The following CLSTN2 variants were observed in gnomAD, a reference collection of about 807,000 sequenced individuals.
The protein encoded by CLSTN2 is calsyntenin 2.
CLSTN2 carries 48 observed loss-of-function variants against 101.2 expected under a neutral mutation model. That is an observed-to-expected ratio of 0.47 (90% CI 0.38 to 0.60). The LOEUF (loss-of-function observed/expected upper bound fraction) is 0.60, where lower values mean the gene tolerates loss of function less well. CLSTN2 is among the 20% of genes least tolerant of loss of function. CLSTN2 has a pLI of 0.00. For synonymous variants in CLSTN2, 481 were observed against 463.6 expected, an observed-to-expected ratio of 1.04 and a Z score of -0.48; for missense variants, 1,160 against 1,238.2, an observed-to-expected ratio of 0.94 and a Z score of 0.95.
chr3:140,136,162 C>T (rs1014143269), intron 1 of CLSTN2, among the ~76,000 whole-genome samples: 1 of 152,124 alleles, frequency 6.6e-6, no homozygotes, highest in African/African-American at 2.4e-5. Context: ...ATATCTATCA[C>T]CCTTGGTCAT....
At chr3:140,538,027 C>T (rs944139337) in intron 9 of CLSTN2, among the ~76,000 whole-genome samples, 38 of 152,294 alleles carry the variant, frequency 2.5e-4, no homozygotes, top group African/African-American at 7.2e-4. Flanking sequence ...TTGTGTTAGC[C>T]GTTAATGAAA....
At chr3:140,341,746 G>T (rs969219903) in intron 2 of CLSTN2, among the ~76,000 whole-genome samples, 2 of 152,166 alleles carry the variant, frequency 1.3e-5, no homozygotes, top group Non-Finnish European at 2.9e-5. Context: ...GTTAGTCTGC[G>T]ATACATTGAA....
At chr3:140,125,828 A>G (rs4683806) in intron 1 of CLSTN2, among the ~76,000 whole-genome samples, 69,338 of 151,946 alleles carry the variant, frequency 0.46, 16,881 homozygotes, top group Admixed American at 0.57. Flanking sequence ...GAGAAAGAGC[A>G]CAATCCAAGG....
chr3:140,084,373 G>A (rs933777008), intron 1 of CLSTN2, among the ~76,000 whole-genome samples: 3 of 152,182 alleles, frequency 2.0e-5, no homozygotes, highest in Non-Finnish European at 4.4e-5. Context: ...GGAACATGAG[G>A]TCCTTATTCA....
chr3:139,940,742 CT>C (rs1935112662), intron 1 of CLSTN2, among the ~76,000 whole-genome samples: 1 of 152,242 alleles, frequency 6.6e-6, no homozygotes, highest in African/African-American at 2.4e-5. Flanking sequence ...AAAAGACATG[CT>C]TTTTTTCACT....
chr3:140,278,800 G>A (rs1482548523), intron 2 of CLSTN2, among the ~76,000 whole-genome samples: 3 of 152,040 alleles, frequency 2.0e-5, no homozygotes, highest in African/African-American at 7.2e-5. Context: ...GCTCACTGCA[G>A]CCTCTACCTC....
At chr3:140,330,647 G>C (rs2087374378) in intron 2 of CLSTN2, among the ~76,000 whole-genome samples, 1 of 152,130 alleles carries the variant, frequency 6.6e-6, no homozygotes, top group South Asian at 2.1e-4. Flanking sequence ...CCCACACCAA[G>C]ATAAAGGTTC....
intron 2 of CLSTN2, among the ~76,000 whole-genome samples, chr3:140,322,570 G>C (rs954252708): frequency 2.0e-5 from 3 of 152,214 alleles, no homozygotes; most frequent in African/African-American, 7.2e-5. Context: ...AATGTACTGA[G>C]TCTTTTAGAA....
chr3:140,343,500 C>T (rs1179795124), intron 2 of CLSTN2, among the ~76,000 whole-genome samples: 1 of 152,162 alleles, frequency 6.6e-6, no homozygotes, highest in Non-Finnish European at 1.5e-5. Flanking sequence ...AAAAGACCAT[C>T]TTAAAGAGTC....
chr3:140,497,003 AG>A (rs1310392417), intron 8 of CLSTN2, among the ~76,000 whole-genome samples: 1 of 151,548 alleles, frequency 6.6e-6, no homozygotes, highest in Non-Finnish European at 1.5e-5. Context: ...CGGGAGGCTG[AG>A]GCAGCAGAAT....
chr3:140,154,797 A>G (rs2009925107), intron 1 of CLSTN2, among the ~76,000 whole-genome samples: 2 of 151,912 alleles, frequency 1.3e-5, no homozygotes, highest in South Asian at 2.1e-4. Context: ...GGCACCCGCC[A>G]CCACGCCCAG....
intron 8 of CLSTN2, among the ~76,000 whole-genome samples, chr3:140,515,968 T>C (rs528368744): frequency 7.4e-5 from 11 of 147,962 alleles, no homozygotes; most frequent in African/African-American, 2.8e-4. Context: ...TATTGCTGTC[T>C]ATCTCATTTC....
At chr3:139,990,525 C>T (rs942237507) in intron 1 of CLSTN2, among the ~76,000 whole-genome samples, 1 of 152,154 alleles carries the variant, frequency 6.6e-6, no homozygotes, top group African/African-American at 2.4e-5. Flanking sequence ...ATGTAATAAC[C>T]CTGCCAGATC....
intron 8 of CLSTN2, among the ~76,000 whole-genome samples, chr3:140,488,416 G>A (rs935903204): frequency 4.6e-5 from 7 of 152,040 alleles, no homozygotes; most frequent in Admixed American, 2.6e-4. Context: ...TGTAAAATGA[G>A]GATAAATATG....
chr3:140,513,583 C>CTTTTTTTTTTTTTTTTTTTTTTT (rs55778787), intron 8 of CLSTN2, among the ~76,000 whole-genome samples: 1 of 117,768 alleles, frequency 8.5e-6, no homozygotes, highest in Admixed American at 9.3e-5. Flanking sequence ...TTTTTTCTTT[C>CTTTTTTTTTTTTTTTTTTTTTTT]TTTTTTTTTT....
chr3:140,039,699 C>T (rs1307255995), intron 1 of CLSTN2, among the ~76,000 whole-genome samples: 2 of 152,154 alleles, frequency 1.3e-5, no homozygotes, highest in Non-Finnish European at 2.9e-5. Context: ...GAAAACAACT[C>T]GAAGGCTAGG....
intron 6 of CLSTN2, chr3:140,449,775 T>TGG (rs1933196346): frequency 6.6e-6 from 1 of 152,230 alleles, no homozygotes. Flanking sequence ...ATCACAGGCA[T>TGG]TCTGTTTGTT....
At chr3:140,291,788 C>T (rs577988894) in intron 2 of CLSTN2, among the ~76,000 whole-genome samples, 20 of 152,020 alleles carry the variant, frequency 1.3e-4, no homozygotes, top group African/African-American at 4.8e-4. Context: ...CTCAGTCATC[C>T]GTGTCTGAAA....
rs180720874 is a variant in CLSTN2 at position 140,115,223 on chromosome 3, C to T, written c.110-60728C>T. 5.4e-3 allele frequency among the ~76,000 whole-genome samples: 824 copies of T among 152,340 alleles called. 4 individuals are homozygous for T. Among genetic ancestry groups the T allele is most frequent in the Admixed American group, 8.4e-3 (128 of 15,304 alleles). On this transcript the variant is annotated intron_variant, in intron 1 of 16. Transcript: ENST00000458420. ...ATATCTTATTCTTCAGCCCCTAAGC[C>T]TATCTATTCTCTTCTCATGATGCTG...
Sources: gnomAD v4.1 joint callset for allele counts (sites outside exome capture counted in the v4.1 genomes callset) on GRCh38, gnomAD v4.1.1 for gene constraint, MANE v1.5 for transcripts, NCBI Gene and HGNC (gene_info 2026-07-23, HGNC 2026-07-21) for gene names.